Variants in PIK3C2G observed in about 807,000 individuals in gnomAD.
The protein encoded by PIK3C2G is phosphatidylinositol 3-kinase C2 domain-containing subunit gamma.
PIK3C2G carries 168 observed loss-of-function variants against 181.1 expected under a neutral mutation model. The observed-to-expected ratio is 0.93, with a 90% confidence interval of 0.82 to 1.05. The LOEUF (loss-of-function observed/expected upper bound fraction) is 1.05. Among genes scored for constraint, PIK3C2G ranks in the 50% least tolerant of loss-of-function variants. The pLI is 0.00. For synonymous variants in PIK3C2G, 573 were observed against 592.2 expected, an observed-to-expected ratio of 0.97 and a Z score of 0.47; for missense variants, 1,869 against 1,732.8, an observed-to-expected ratio of 1.08 and a Z score of -1.40.
intron 29 of PIK3C2G, among the ~76,000 whole-genome samples, chr12:18,587,776 A>ACAAAC (rs1291294561): frequency 6.6e-6 from 1 of 151,120 alleles, no homozygotes; most frequent in African/African-American, 2.5e-5. Context: ...ACAAAACAAA[A>ACAAAC]CAAACACCTG....
chr12:18,594,331 T>C (rs1388039577), intron 29 of PIK3C2G, among the ~76,000 whole-genome samples, 163 bp from the exon 30 acceptor site: 5 of 152,078 alleles, frequency 3.3e-5, no homozygotes, highest in African/African-American at 1.2e-4. Context: ...GGTAAGATGA[T>C]AGCACTGACT....
At chr12:18,447,052 T>C (rs978212026) in intron 18 of PIK3C2G, among the ~76,000 whole-genome samples, 1 of 152,218 alleles carries the variant, frequency 6.6e-6, no homozygotes, top group Non-Finnish European at 1.5e-5. Context: ...TCCAAGCTAC[T>C]TCACCTTTGT....
intron 18 of PIK3C2G, among the ~76,000 whole-genome samples, chr12:18,429,310 C>A (rs1295073639): frequency 6.6e-6 from 1 of 152,104 alleles, no homozygotes; most frequent in Non-Finnish European, 1.5e-5. Flanking sequence ...CTGCTTACAC[C>A]CTGATTTTGG....
At chr12:18,425,861 A>T (rs1447866595) in intron 18 of PIK3C2G, among the ~76,000 whole-genome samples, 1 of 152,244 alleles carries the variant, frequency 6.6e-6, no homozygotes, top group Non-Finnish European at 1.5e-5. Context: ...GTTATTTATA[A>T]ATGAAATAAA....
chr12:18,247,704 C>T (rs1948054230), exon 1 of PIK3C2G: 1 of 152,188 alleles, frequency 6.6e-6, no homozygotes. Flanking sequence ...TTGTCTGCTT[C>T]TTATTGTACA....
chr12:18,362,814 T>A lies in PIK3C2G; in HGVS notation c.1676T>A (p.Leu559Gln). ...TCWLTYAGKK[L>Q]CQVRNYRNIP... The stretch of plus-strand genomic sequence containing the variant: ...TGGCTTACATATGCTGGAAAGAAGC[T>A]GTGCCAAGTGAGAAACTACAGAAAT... The change falls in exon 12 of 33, where the codon CTG (leucine) becomes CAG (glutamine). Residue 559 changes from leucine (L) to glutamine (Q), a missense_variant. Physicochemically the swap from Leu to Gln is moderately radical, Grantham distance 113 (BLOSUM62 -2). Coordinates refer to ENST00000538779, the MANE Select transcript of PIK3C2G (RefSeq NM_001288772.2). 1 of 1,523,356 alleles carries A rather than the reference T, an allele frequency of 6.6e-7. No individual in the cohort carries two copies. Among genetic ancestry groups the A allele is most frequent in the Non-Finnish European group, 8.8e-7 (1 of 1,140,810 alleles). The allele number at this position is 1,523,356 out of a possible 1,614,324, so 94.4% of individuals were successfully genotyped here.
the PIK3C2G span, among the ~76,000 whole-genome samples, chr12:18,679,122 T>A: frequency 6.6e-6 from 1 of 152,114 alleles, no homozygotes; most frequent in Admixed American, 6.6e-5. Context: ...CATTCACATA[T>A]TTCCTTTTGG....
chr12:18,247,408 C>A (rs1405119792), upstream of PIK3C2G, among the ~76,000 whole-genome samples: 1 of 152,042 alleles, frequency 6.6e-6, no homozygotes, highest in Non-Finnish European at 1.5e-5. Flanking sequence ...GACACAGACA[C>A]ACACCAAGAG....
At chr12:18,259,803 T>G (rs1948189566), upstream of PIK3C2G, among the ~76,000 whole-genome samples, 1 of 152,152 alleles carries the variant, frequency 6.6e-6, no homozygotes, top group Admixed American at 6.6e-5. Context: ...GCTTGATCAT[T>G]CTGTCTTAAA....
At chr12:18,351,314 A>G (rs541089147) in intron 11 of PIK3C2G, among the ~76,000 whole-genome samples, 32 of 152,236 alleles carry the variant, frequency 2.1e-4, no homozygotes, top group African/African-American at 7.5e-4. Context: ...AAGACATAAA[A>G]GACTAAAAAT....
chr12:18,713,047 T>G, the PIK3C2G span: 1 of 1,583,208 alleles, frequency 6.3e-7, no homozygotes, highest in East Asian at 2.3e-5. Context: ...TATACCAAAG[T>G]ATTAAAATAT....
Position 18,643,256 on chromosome 12 carries a change from T to C in PIK3C2G, c.4308+2702T>C, listed in dbSNP as rs542436503. 1.5e-4 allele frequency among the ~76,000 whole-genome samples: 23 copies of C among 152,284 alleles called. 1 individual carries two copies. The highest frequency in any genetic ancestry group is 4.1e-4 in the African/African-American group (17 of 41,566). ...TCCTCACACATCCATAACCCACTGA[T>C]TAAAACTCACTACAAATCTTTCTCA... On this transcript the variant is annotated intron_variant, in intron 32 of 32. Transcript: ENST00000538779.
intron 8 of PIK3C2G, among the ~76,000 whole-genome samples, chr12:18,335,456 G>A (rs1285274751): frequency 1.3e-5 from 2 of 151,732 alleles, no homozygotes; most frequent in Non-Finnish European, 2.9e-5. Context: ...GAACATGTGG[G>A]GAGTGTGTGT....
At chr12:18,525,739 A>G (rs906921021) in intron 24 of PIK3C2G, among the ~76,000 whole-genome samples, 6 of 152,216 alleles carry the variant, frequency 3.9e-5, no homozygotes, top group African/African-American at 1.2e-4. Flanking sequence ...TAAGGAAACA[A>G]AGTAAGCCAG....
rs183803876 is a variant in PIK3C2G at position 18,404,224 on chromosome 12, T to C, written c.2315+4377T>C. ...TGCCATTGTTTACTAACATTGTAAA[T>C]AGAAAGAATGGAATATGGCATAGGG... On this transcript the variant is annotated intron_variant, in intron 16 of 32. Transcript: ENST00000538779. 4.7e-4 allele frequency among the ~76,000 whole-genome samples: 71 copies of C among 152,254 alleles called. 1 individual carries two copies. Among genetic ancestry groups the C allele is most frequent in the Non-Finnish European group, 8.8e-4 (60 of 67,998 alleles).
intron 26 of PIK3C2G, among the ~76,000 whole-genome samples, chr12:18,554,713 G>A (rs960333506): frequency 5.3e-5 from 8 of 151,966 alleles, no homozygotes; most frequent in Non-Finnish European, 1.0e-4. Context: ...GGAATTATCC[G>A]AAAGCATACT....
chr12:18,269,285 T>G (rs1565536430), intron 1 of PIK3C2G, among the ~76,000 whole-genome samples: 1 of 152,196 alleles, frequency 6.6e-6, no homozygotes, highest in Non-Finnish European at 1.5e-5. Context: ...TAAGTAGGTA[T>G]CTGTTCATAT....
intron 1 of PIK3C2G, among the ~76,000 whole-genome samples, chr12:18,275,671 A>G (rs1208672903): frequency 1.3e-5 from 2 of 152,192 alleles, no homozygotes; most frequent in Non-Finnish European, 2.9e-5. Context: ...GTGGGCCACC[A>G]TGCCTGGCCT....
At chr12:18,426,260 A>C (rs1286907819) in intron 18 of PIK3C2G, among the ~76,000 whole-genome samples, 21 of 152,288 alleles carry the variant, frequency 1.4e-4, no homozygotes, top group Non-Finnish European at 8.8e-5. Flanking sequence ...TGACTATCTA[A>C]CTTTGTGATA....
Sources: gnomAD v4.1 joint callset for allele counts (sites outside exome capture counted in the v4.1 genomes callset) on GRCh38, gnomAD v4.1.1 for gene constraint, MANE v1.5 for transcripts, NCBI Gene and HGNC (gene_info 2026-07-23, HGNC 2026-07-21) for gene names.